ATRNL1: variants seen among roughly 807,000 people sequenced by gnomAD.
ATRNL1 encodes the protein attractin like 1.
A neutral mutation model predicts 182.7 loss-of-function variants in ATRNL1; 95 were observed. The observed-to-expected ratio is 0.52, with a 90% CI of 0.44 to 0.62. The LOEUF (loss-of-function observed/expected upper bound fraction) is 0.62. ATRNL1 is among the 20% of genes least tolerant of loss of function. ATRNL1 has a pLI of 0.00. For missense variants in ATRNL1, 1,471 were observed against 1,679.5 expected (o/e 0.88, Z 2.17); for synonymous variants, 576 against 568.3 (o/e 1.01, Z -0.19).
chr10:115,358,206 A>G (rs547347752), intron 19 of ATRNL1, among the ~76,000 whole-genome samples: 3 of 151,846 alleles, frequency 2.0e-5, no homozygotes, highest in African/African-American at 7.2e-5. Flanking sequence ...CTCTCCATTT[A>G]CAATCCACCT....
At chr10:115,474,365 T>C (rs1238064093) in intron 24 of ATRNL1, among the ~76,000 whole-genome samples, 2 of 151,422 alleles carry the variant, frequency 1.3e-5, no homozygotes, top group Non-Finnish European at 3.0e-5. Context: ...CACTTTTATC[T>C]TCTTCTGCAA....
At chr10:115,202,170 T>A (rs1428738392) in intron 8 of ATRNL1, among the ~76,000 whole-genome samples, 3 of 152,278 alleles carry the variant, frequency 2.0e-5, no homozygotes, top group Non-Finnish European at 4.4e-5. Flanking sequence ...AATCATGTCA[T>A]CTGCAAACAG....
intron 21 of ATRNL1, among the ~76,000 whole-genome samples, chr10:115,451,150 A>G (rs1313318641): frequency 6.6e-6 from 1 of 152,154 alleles, no homozygotes; most frequent in Admixed American, 6.6e-5. Context: ...AATGTAAAAC[A>G]CAAAACTATA....
intron 9 of ATRNL1, among the ~76,000 whole-genome samples, chr10:115,221,981 G>A (rs1297814016): frequency 6.6e-6 from 1 of 151,620 alleles, no homozygotes; most frequent in African/African-American, 2.4e-5. Context: ...AAGAAGATAA[G>A]ATACGAAAAA....
At position 115,289,907 on chromosome 10, in the gene ATRNL1, A is replaced by G. The variant is rs1852810371; in HGVS notation, c.2415+3510A>G. ...TACAGGTTTTAGGATTGCTTTTCCTATTTCTGTGAACAATGTCATTGGTAT... is the reference window on the plus strand; with the variant it reads ...TACAGGTTTTAGGATTGCTTTTCCTGTTTCTGTGAACAATGTCATTGGTAT... On this transcript the variant is annotated intron_variant, in intron 15 of 28. Transcript: ENST00000355044. 3.9e-5 allele frequency among the ~76,000 whole-genome samples: 6 copies of G among 152,162 alleles called. No individual in the cohort carries two copies. In the Middle Eastern group the frequency reaches 0.01, roughly 259 times the overall value.
intron 14 of ATRNL1, among the ~76,000 whole-genome samples, chr10:115,283,998 T>C (rs2133932627): frequency 6.6e-6 from 1 of 152,340 alleles, no homozygotes; most frequent in South Asian, 2.1e-4. Context: ...TCAGCTTATC[T>C]CAAGGAAGTG....
At chr10:115,495,200 T>C (rs1407044447) in intron 24 of ATRNL1, among the ~76,000 whole-genome samples, 5 of 152,158 alleles carry the variant, frequency 3.3e-5, no homozygotes, top group Admixed American at 1.3e-4. Context: ...TTTATGATTG[T>C]ATTTATTTGG....
intron 28 of ATRNL1, among the ~76,000 whole-genome samples, chr10:115,932,360 C>T (rs1953425856): frequency 6.6e-6 from 1 of 152,186 alleles, no homozygotes; most frequent in South Asian, 2.1e-4. Flanking sequence ...AACTCTACTG[C>T]TTTTTCCTTC....
intron 26 of ATRNL1, among the ~76,000 whole-genome samples, chr10:115,705,967 A>G (rs1405009877): frequency 6.6e-6 from 1 of 151,924 alleles, no homozygotes; most frequent in African/African-American, 2.4e-5. Flanking sequence ...CACACTTCTT[A>G]CATTTTCTTA....
intron 21 of ATRNL1, among the ~76,000 whole-genome samples, chr10:115,436,090 A>G (rs966264094): frequency 5.3e-5 from 8 of 152,280 alleles, no homozygotes; most frequent in African/African-American, 1.9e-4. Context: ...TAAGTTTATT[A>G]CGGACATAGG....
At chr10:115,803,748 C>A (rs1949853681) in intron 27 of ATRNL1, among the ~76,000 whole-genome samples, 1 of 151,880 alleles carries the variant, frequency 6.6e-6, no homozygotes, top group Admixed American at 6.6e-5. Flanking sequence ...ACCATGGTTA[C>A]TAACATATAA....
intron 27 of ATRNL1, among the ~76,000 whole-genome samples, chr10:115,752,558 G>A (rs1555070874): frequency 2.0e-5 from 3 of 152,022 alleles, no homozygotes. Context: ...GGAGATCAGT[G>A]TTGACCATGG....
chr10:115,896,509 G>A (rs1555112584), intron 28 of ATRNL1, among the ~76,000 whole-genome samples: 2 of 152,022 alleles, frequency 1.3e-5, no homozygotes, highest in Admixed American at 6.6e-5. Flanking sequence ...GACAATAAAG[G>A]TATAAAAAGA....
intron 28 of ATRNL1, among the ~76,000 whole-genome samples, chr10:115,867,747 T>TA (rs1555105079): frequency 7.2e-4 from 107 of 148,012 alleles, no homozygotes; most frequent in Middle Eastern, 3.4e-3. Flanking sequence ...TTTTTTTTTT[T>TA]AATTTTTTGA....
Position 115,380,168 on chromosome 10 carries a change from A to C in ATRNL1, c.3176-14491A>C, listed in dbSNP as rs144947646. Among the ~76,000 whole-genome samples, 4 of 152,304 alleles carry C rather than the reference A, an allele frequency of 2.6e-5. No homozygotes were observed. In the East Asian group the frequency reaches 7.7e-4, roughly 29 times the overall value. ...CCTTTATGTAAAAATGTCTTCTAGT[A>C]GAAAAACAGGTTCTTAGAAACCTTT... On this transcript the variant is annotated intron_variant, in intron 19 of 28. Coordinates refer to ENST00000355044, the MANE Select transcript of ATRNL1 (RefSeq NM_207303.4).
chr10:115,328,480 G>A (rs901349609), intron 18 of ATRNL1, among the ~76,000 whole-genome samples: 1 of 152,038 alleles, frequency 6.6e-6, no homozygotes, highest in Non-Finnish European at 1.5e-5. Flanking sequence ...ATTATTGTTA[G>A]CTATAATCAC....
intron 5 of ATRNL1, among the ~76,000 whole-genome samples, chr10:115,129,886 A>G (rs1004930367): frequency 2.0e-5 from 3 of 152,172 alleles, no homozygotes; most frequent in Admixed American, 1.3e-4. Context: ...TTTGATTTAT[A>G]AGGGTAATAT....
chr10:115,551,377 A>G (rs1354671339), intron 26 of ATRNL1, among the ~76,000 whole-genome samples: 1 of 151,464 alleles, frequency 6.6e-6, no homozygotes, highest in Non-Finnish European at 1.5e-5. Context: ...AAAATCTTTC[A>G]ATATATGTGG....
intron 19 of ATRNL1, among the ~76,000 whole-genome samples, chr10:115,362,063 T>G (rs1856775907): frequency 6.6e-6 from 1 of 152,080 alleles, no homozygotes; most frequent in Non-Finnish European, 1.5e-5. Context: ...TGGCCTTTTC[T>G]AAATTGCAAG....
Sources: gnomAD v4.1 joint callset for allele counts (sites outside exome capture counted in the v4.1 genomes callset) on GRCh38, gnomAD v4.1.1 for gene constraint, MANE v1.5 for transcripts, NCBI Gene and HGNC (gene_info 2026-07-23, HGNC 2026-07-21) for gene names.